GPA33: variants seen among roughly 807,000 people sequenced by gnomAD.
GPA33 encodes the protein glycoprotein A33.
GPA33 carries 27 observed loss-of-function variants against 35.6 expected under a neutral mutation model. The observed-to-expected ratio is 0.76, with a 90% CI of 0.56 to 1.04. The LOEUF is 1.04. Ranked by LOEUF, GPA33 falls within the 50% of genes least tolerant of loss-of-function variation. The probability of loss-of-function intolerance (pLI) is 0.00; values close to 1 mark genes in which losing one functional copy is unlikely to be tolerated. For missense variants in GPA33, 428 were observed against 411.9 expected (o/e 1.04, Z -0.34); for synonymous variants, 176 against 164.0 (o/e 1.07, Z -0.56).
chr1:167,055,577 G>GTCA, intron 5 of GPA33, among the ~76,000 whole-genome samples, 153 bp downstream of exon 5: 1 of 152,148 alleles, frequency 6.6e-6, no homozygotes, highest in Non-Finnish European at 1.5e-5. Flanking sequence ...CTGGGACAGA[G>GTCA]TCATCCTGCC....
chr1:167,063,404 T>C (rs1666509094), intron 4 of GPA33, among the ~76,000 whole-genome samples, 178 bp downstream of exon 4: 1 of 152,126 alleles, frequency 6.6e-6, no homozygotes, highest in South Asian at 2.1e-4. Flanking sequence ...GGCGAGACTC[T>C]GTCTAAAAAC....
At chr1:167,056,828 G>T (rs1462360540) in intron 4 of GPA33, among the ~76,000 whole-genome samples, 6 of 7,406 alleles carry the variant, frequency 8.1e-4, no homozygotes, top group Admixed American at 1.2e-3. Context: ...AGCGTTTGTA[G>T]TGTGTGTGGT....
chr1:167,055,013 T>C lies in GPA33; in HGVS notation c.790A>G (p.Lys264Glu). 1 of 1,614,018 alleles carries C rather than the reference T, an allele frequency of 6.2e-7. No homozygotes were observed. The highest frequency in any genetic ancestry group is 8.5e-7 in the Non-Finnish European group (1 of 1,180,030). The change falls in exon 6 of 7, where the codon AAG (lysine) becomes GAG (glutamate). Residue 264 changes from lysine to glutamate, a missense_variant. Lys to Glu is a moderately conservative substitution (Grantham distance 56). Coordinates refer to ENST00000367868, the MANE Select transcript of GPA33 (RefSeq NM_005814.3). ...TCCTTGTCTTCAGTGTTGTCGTCCT[T>C]CCCTCGGCAGCAGCAGCAGTAGATG... ...IIIYCCCCRG[K>E]DDNTEDKEDA...
At chr1:167,065,107 G>C (rs145125981) in intron 3 of GPA33, among the ~76,000 whole-genome samples, 1 of 152,200 alleles carries the variant, frequency 6.6e-6, no homozygotes, top group African/African-American at 2.4e-5. Context: ...GGTGCCTACT[G>C]TGTGTCTGAC....
intron 3 of GPA33, among the ~76,000 whole-genome samples, chr1:167,064,572 T>C (rs1666547723): frequency 6.6e-6 from 1 of 152,218 alleles, no homozygotes; most frequent in African/African-American, 2.4e-5. Flanking sequence ...CAGGTGGCAA[T>C]ATTTAGGCTT....
At chr1:167,061,952 T>C (rs1361350640) in intron 4 of GPA33, among the ~76,000 whole-genome samples, 1 of 152,002 alleles carries the variant, frequency 6.6e-6, no homozygotes, top group African/African-American at 2.4e-5. Flanking sequence ...AATGTGTGCA[T>C]CCGTCCGGCT....
chr1:167,055,829 G>A lies in GPA33; in HGVS notation c.592C>T (p.Leu198=). The change falls in exon 5 of 7, where the codon CTG becomes TTG. Residue 198 remains leucine (L), a synonymous_variant. Coordinates refer to ENST00000367868, the MANE Select transcript of GPA33 (RefSeq NM_005814.3). ...GATGTGTCTGTGGAGATATTCTTCA[G>A]GGAGACAGGCTGACCTGAGGCTGCA... The part of the protein sequence containing the change: ...AQPASGQPVS[L]KNISTDTSGY... 6.2e-7 allele frequency: 1 copy of A among 1,614,054 alleles called. No individual in the cohort carries two copies. Among genetic ancestry groups the A allele is most frequent in the South Asian group, 1.1e-5 (1 of 91,074 alleles).
At chr1:167,064,578 G>C (rs1666547771) in intron 3 of GPA33, among the ~76,000 whole-genome samples, 1 of 152,184 alleles carries the variant, frequency 6.6e-6, no homozygotes, top group South Asian at 2.1e-4. Context: ...GCAATATTTA[G>C]GCTTCGCAGA....
At chr1:167,056,468 A>G (rs147471372) in intron 4 of GPA33, among the ~76,000 whole-genome samples, 2 of 143,126 alleles carry the variant, frequency 1.4e-5, no homozygotes, top group South Asian at 4.6e-4. Context: ...GTGGTGTGTC[A>G]GTGTGTGTGG....
chr1:167,076,971 C>A (rs966964230), intron 1 of GPA33, among the ~76,000 whole-genome samples: 1 of 151,954 alleles, frequency 6.6e-6, no homozygotes, highest in African/African-American at 2.4e-5. Flanking sequence ...TTTGGGAGGC[C>A]GAGGTGGATG....
At chr1:167,071,271 A>C (rs1666713250) in intron 2 of GPA33, among the ~76,000 whole-genome samples, 1 of 152,236 alleles carries the variant, frequency 6.6e-6, no homozygotes, top group African/African-American at 2.4e-5. Context: ...GCTGGTGTGA[A>C]ATGCTAATGA....
chr1:167,061,689 G>A (rs1231141067), intron 4 of GPA33, among the ~76,000 whole-genome samples: 2 of 133,740 alleles, frequency 1.5e-5, no homozygotes, highest in Middle Eastern at 8.5e-3. Context: ...TGCAAGCTCC[G>A]CCTCCCAGGT....
intron 4 of GPA33, among the ~76,000 whole-genome samples, chr1:167,062,293 G>A (rs897698666): frequency 2.0e-5 from 3 of 151,792 alleles, no homozygotes; most frequent in African/African-American, 7.3e-5. Context: ...ATGGCTCACT[G>A]CAGCCTCGAC....
At chr1:167,074,906 C>CTTTTTT (rs774982628) in intron 1 of GPA33, among the ~76,000 whole-genome samples, 1 of 121,742 alleles carries the variant, frequency 8.2e-6, no homozygotes, top group Non-Finnish European at 1.7e-5. Flanking sequence ...ATTTGACTTA[C>CTTTTTT]TTTTTTTTTT....
At chr1:167,054,577 C>T (rs1454456569) in intron 6 of GPA33, 111 bp from the exon 7 acceptor site, 2 of 1,327,594 alleles carry the variant, frequency 1.5e-6, no homozygotes, top group Non-Finnish European at 2.1e-6. Flanking sequence ...TCCTCCCCAC[C>T]CACCAGCTGC....
intron 4 of GPA33, among the ~76,000 whole-genome samples, chr1:167,062,276 T>C (rs1388001788): frequency 1.3e-5 from 2 of 152,076 alleles, no homozygotes; most frequent in Admixed American, 6.6e-5. Flanking sequence ...AGTGCAGTGG[T>C]GTGATCATGG....
chr1:167,059,273 A>G (rs1274237340), intron 4 of GPA33, among the ~76,000 whole-genome samples: 2 of 152,142 alleles, frequency 1.3e-5, no homozygotes, highest in African/African-American at 4.8e-5. Context: ...TCCTTCGGAA[A>G]GGGACTAGTA....
chr1:167,083,630 G>A (rs778864623), intron 1 of GPA33, among the ~76,000 whole-genome samples: 1 of 152,174 alleles, frequency 6.6e-6, no homozygotes, highest in African/African-American at 2.4e-5. Flanking sequence ...CCATAGTAAC[G>A]AGTGTCATGC....
chr1:167,082,664 C>A (rs1202486492), intron 1 of GPA33, among the ~76,000 whole-genome samples: 1 of 152,202 alleles, frequency 6.6e-6, no homozygotes, highest in East Asian at 1.9e-4. Context: ...CAAGTGTCAC[C>A]TGTTCCCCAA....
Sources: gnomAD v4.1 joint callset for allele counts (sites outside exome capture counted in the v4.1 genomes callset) on GRCh38, gnomAD v4.1.1 for gene constraint, MANE v1.5 for transcripts, NCBI Gene and HGNC (gene_info 2026-07-23, HGNC 2026-07-21) for gene names.